ERC1: variants seen among roughly 807,000 people sequenced by gnomAD.
The protein encoded by ERC1 is RAB6 interacting protein 2.
A neutral mutation model predicts 132.0 loss-of-function variants in ERC1; 56 were observed. That is an observed-to-expected ratio of 0.42 (90% CI 0.34 to 0.53). ERC1 has a LOEUF of 0.53. ERC1 is among the 20% of genes least tolerant of loss of function. The pLI, the probability that ERC1 is intolerant of heterozygous loss-of-function variation, is 0.03. For missense variants in ERC1, 1,202 were observed against 1,349.9 expected (o/e 0.89, Z 1.72); for synonymous variants, 478 against 476.1 (o/e 1.00, Z -0.05).
At chr12:1,342,302 T>TA (rs1412570105) in intron 15 of ERC1, among the ~76,000 whole-genome samples, 2 of 151,040 alleles carry the variant, frequency 1.3e-5, no homozygotes, top group African/African-American at 2.4e-5. Context: ...CCGTCTCTAC[T>TA]AAAAAAATAC....
At chr12:1,065,253 G>T (rs974597355) in intron 2 of ERC1, among the ~76,000 whole-genome samples, 1 of 152,048 alleles carries the variant, frequency 6.6e-6, no homozygotes. Flanking sequence ...TGCTCACCTC[G>T]GCCTCCCAAA....
chr12:1,431,570 G>T (rs1433968934), intron 17 of ERC1, among the ~76,000 whole-genome samples: 1 of 151,954 alleles, frequency 6.6e-6, no homozygotes, highest in Non-Finnish European at 1.5e-5. Flanking sequence ...ATTGCATAAC[G>T]ATTTTATTTA....
intron 18 of ERC1, among the ~76,000 whole-genome samples, chr12:1,469,067 A>G (rs894837166): frequency 8.5e-5 from 13 of 152,216 alleles, no homozygotes; most frequent in African/African-American, 3.1e-4. Context: ...AGATAGATAC[A>G]TGTCTGTGCT....
intron 14 of ERC1, among the ~76,000 whole-genome samples, chr12:1,287,147 G>A (rs12302738): frequency 0.017 from 2,662 of 152,272 alleles, 70 homozygotes; most frequent in African/African-American, 0.059. Context: ...TATATCAAAG[G>A]TTAAGATAGA....
chr12:1,066,999 G>A (rs1939336033), intron 2 of ERC1, among the ~76,000 whole-genome samples: 1 of 151,982 alleles, frequency 6.6e-6, no homozygotes, highest in Non-Finnish European at 1.5e-5. Flanking sequence ...ATAGAGACGG[G>A]GTTTTGCCAT....
At chr12:1,031,967 T>C (rs935411907) in intron 2 of ERC1, among the ~76,000 whole-genome samples, 1 of 152,250 alleles carries the variant, frequency 6.6e-6, no homozygotes, top group East Asian at 1.9e-4. Context: ...CAGGAACTTA[T>C]GTTTCGAACA....
At chr12:1,193,773 A>G (rs1166345489) in intron 12 of ERC1, among the ~76,000 whole-genome samples, 1 of 152,172 alleles carries the variant, frequency 6.6e-6, no homozygotes, top group African/African-American at 2.4e-5. Flanking sequence ...CAAAGGATTC[A>G]TTTATGTCCA....
At chr12:1,480,981 G>A (rs2154431416) in intron 18 of ERC1, 1 of 699,496 alleles carries the variant, frequency 1.4e-6, no homozygotes. Context: ...TGAAACTGTG[G>A]ATGGTACTGA....
intron 16 of ERC1, among the ~76,000 whole-genome samples, chr12:1,376,636 C>T (rs7310894): frequency 6.6e-6 from 1 of 152,210 alleles, no homozygotes; most frequent in Non-Finnish European, 1.5e-5. Flanking sequence ...ATGAAGAAGA[C>T]TAAGCGGTGG....
At chr12:1,309,970 C>CA (rs2081176016) in intron 15 of ERC1, among the ~76,000 whole-genome samples, 1 of 148,316 alleles carries the variant, frequency 6.7e-6, no homozygotes, top group East Asian at 2.0e-4. Context: ...TGTTTTGAGA[C>CA]AGAGTCTCGT....
chr12:1,200,476 C>T (rs889981983), intron 12 of ERC1, among the ~76,000 whole-genome samples: 3 of 152,120 alleles, frequency 2.0e-5, no homozygotes, highest in Admixed American at 6.6e-5. Flanking sequence ...TGTGACTGTA[C>T]ATTAGAGAGA....
chr12:1,303,635 T>C (rs552287314), intron 15 of ERC1, among the ~76,000 whole-genome samples: 13 of 138,648 alleles, frequency 9.4e-5, no homozygotes, highest in Admixed American at 6.0e-4. Context: ...CAAGAGTCCA[T>C]CTCAAAAAAA....
chr12:1,358,962 A>G (rs1304270074), intron 15 of ERC1, among the ~76,000 whole-genome samples: 3 of 152,212 alleles, frequency 2.0e-5, no homozygotes, highest in Non-Finnish European at 4.4e-5. Context: ...TTACATCGAC[A>G]AAGATAAGAG....
At chr12:1,132,397 T>C (rs1948849758) in intron 7 of ERC1, among the ~76,000 whole-genome samples, 2 of 152,226 alleles carry the variant, frequency 1.3e-5, no homozygotes, top group Admixed American at 6.5e-5. Flanking sequence ...ACTAAAGGTT[T>C]GTATGTTTAT....
At chr12:1,433,836 A>G (rs959791312) in intron 17 of ERC1, among the ~76,000 whole-genome samples, 2 of 152,172 alleles carry the variant, frequency 1.3e-5, no homozygotes, top group Non-Finnish European at 2.9e-5. Flanking sequence ...CAGACTGGTT[A>G]AAGCATGAAG....
At chr12:1,106,268 T>A (rs1945253502) in intron 4 of ERC1, among the ~76,000 whole-genome samples, 1 of 152,308 alleles carries the variant, frequency 6.6e-6, no homozygotes, top group East Asian at 1.9e-4. Flanking sequence ...CAATCCATAC[T>A]AGCTGTTGCA....
intron 18 of ERC1, among the ~76,000 whole-genome samples, chr12:1,468,939 T>A (rs2093802183): frequency 6.6e-6 from 1 of 152,206 alleles, no homozygotes; most frequent in African/African-American, 2.4e-5. Context: ...CCTCTTAGCC[T>A]GTCAGAGGCA....
Position 1,419,546 on chromosome 12 carries a change from T to G in ERC1, c.3024+11299T>G, listed in dbSNP as rs1212337991. Among the ~76,000 whole-genome samples, 3 of 150,868 alleles carry G rather than the reference T, an allele frequency of 2.0e-5. No homozygotes were observed. In the East Asian group the frequency reaches 5.8e-4, roughly 29 times the overall value. ...AAGAAAAAAAAAAGCTGACAAAATT[T>G]CTACATTTAAATTTATTTTTCCCTT... On this transcript the variant is annotated intron_variant, in intron 17 of 18. Coordinates refer to ENST00000360905, the MANE Select transcript of ERC1 (RefSeq NM_178040.4).
intron 18 of ERC1, among the ~76,000 whole-genome samples, chr12:1,454,787 T>C (rs1329738323): frequency 3.9e-5 from 6 of 152,258 alleles, no homozygotes; most frequent in African/African-American, 9.6e-5. Flanking sequence ...TATGTTTCCA[T>C]AAACAATGTA....
Sources: gnomAD v4.1 joint callset for allele counts (sites outside exome capture counted in the v4.1 genomes callset) on GRCh38, gnomAD v4.1.1 for gene constraint, MANE v1.5 for transcripts, NCBI Gene and HGNC (gene_info 2026-07-23, HGNC 2026-07-21) for gene names.